The following TRAF3 variants were observed in gnomAD, a reference collection of about 807,000 sequenced individuals.
The protein encoded by TRAF3 is TNF receptor-associated factor 3.
TRAF3 carries 13 observed loss-of-function variants against 62.3 expected under a neutral mutation model. The ratio of observed to expected loss-of-function variants is 0.21; its 90% CI spans 0.14 to 0.33. TRAF3 has a LOEUF of 0.33. TRAF3 is among the 10% of genes least tolerant of loss of function. The probability of loss-of-function intolerance (pLI) is 1.00; values close to 1 mark genes in which losing one functional copy is unlikely to be tolerated. For synonymous variants in TRAF3, 269 were observed against 283.4 expected, an observed-to-expected ratio of 0.95 and a Z score of 0.51; for missense variants, 440 against 741.8, an observed-to-expected ratio of 0.59 and a Z score of 4.73.
At chr14:102,786,222 A>G (rs923065133) in intron 1 of TRAF3, among the ~76,000 whole-genome samples, 1 of 152,230 alleles carries the variant, frequency 6.6e-6, no homozygotes, top group Non-Finnish European at 1.5e-5. Flanking sequence ...TAGAGTTCAC[A>G]GTCACGTGGA....
At chr14:102,900,205 A>AAC (rs1443635739) in intron 10 of TRAF3, among the ~76,000 whole-genome samples, 1 of 135,460 alleles carries the variant, frequency 7.4e-6, no homozygotes, top group South Asian at 2.2e-4. Context: ...AAAAAAAAAG[A>AAC]CAGCCTAGGC....
intron 10 of TRAF3, among the ~76,000 whole-genome samples, chr14:102,901,387 G>A (rs1890291930): frequency 6.6e-6 from 1 of 152,312 alleles, no homozygotes; most frequent in Admixed American, 6.5e-5. Context: ...TCAGACCTCT[G>A]TTGATCAGGT....
intron 1 of TRAF3, among the ~76,000 whole-genome samples, chr14:102,796,675 G>A (rs543166622): frequency 6.6e-6 from 1 of 152,170 alleles, no homozygotes; most frequent in Non-Finnish European, 1.5e-5. Flanking sequence ...GCCCCTGGTC[G>A]ATGCCCCGGA....
chr14:102,886,389 C>A, intron 7 of TRAF3, 120 bp downstream of exon 7: 2 of 858,556 alleles, frequency 2.3e-6, no homozygotes, highest in Non-Finnish European at 3.7e-6. Context: ...ATGTGTATGG[C>A]AGACAAACAA....
chr14:102,794,286 C>T (rs1428041316), intron 1 of TRAF3, among the ~76,000 whole-genome samples: 2 of 152,202 alleles, frequency 1.3e-5, no homozygotes, highest in Non-Finnish European at 2.9e-5. Context: ...GTGATCCTCC[C>T]AGCCCAGCCT....
intron 1 of TRAF3, among the ~76,000 whole-genome samples, chr14:102,793,885 A>G (rs1278722558): frequency 6.6e-6 from 1 of 152,228 alleles, no homozygotes; most frequent in Non-Finnish European, 1.5e-5. Flanking sequence ...CTGTGGGCTG[A>G]TCAAGCAGGG....
intron 1 of TRAF3, among the ~76,000 whole-genome samples, chr14:102,816,478 G>A (rs1242196144): frequency 6.6e-6 from 1 of 152,066 alleles, no homozygotes; most frequent in Non-Finnish European, 1.5e-5. Flanking sequence ...AAAATATCCT[G>A]TTAATAATTT....
At chr14:102,814,338 C>CA (rs1467018399) in intron 1 of TRAF3, among the ~76,000 whole-genome samples, 1 of 152,134 alleles carries the variant, frequency 6.6e-6, no homozygotes, top group Non-Finnish European at 1.5e-5. Flanking sequence ...TTGCTTACTA[C>CA]AGCTTTGTAG....
chr14:102,881,068 C>A (rs1471275633), intron 6 of TRAF3, among the ~76,000 whole-genome samples: 1 of 151,820 alleles, frequency 6.6e-6, no homozygotes, highest in Non-Finnish European at 1.5e-5. Context: ...GCCTGGTCAA[C>A]AAGAGCGAAA....
intron 10 of TRAF3, among the ~76,000 whole-genome samples, chr14:102,901,739 C>T (rs1479788162): frequency 3.3e-5 from 5 of 152,194 alleles, no homozygotes; most frequent in Non-Finnish European, 7.3e-5. Flanking sequence ...ACTGCTTTTA[C>T]GCCCAAAAAG....
In TRAF3 at chr14:102,903,437, AG is replaced by A. The variant is rs756703096; in HGVS notation, c.1135+12del. The A allele has an allele frequency of 1.9e-6, 3 of 1,613,328 alleles. No homozygotes were observed. Among genetic ancestry groups the A allele is most frequent in the East Asian group, 4.5e-5 (2 of 44,860 alleles). On this transcript the variant is annotated intron_variant, in intron 11 of 11. Transcript: ENST00000392745. The surrounding 1 kb of genome is among the most constrained non-coding windows in gnomAD (Gnocchi z 6.4). ...AAGTGGCTCGGAACACAGGTGAGGC[AG>A]GGGCCGGGGCCGGGCCAGCAGTGTG...
At chr14:102,790,156 A>G (rs1387020045) in intron 1 of TRAF3, among the ~76,000 whole-genome samples, 2 of 151,768 alleles carry the variant, frequency 1.3e-5, no homozygotes, top group East Asian at 3.9e-4. Context: ...TTTAGTTTTT[A>G]CCTTTAGGTT....
chr14:102,827,994 G>T (rs562357047), intron 1 of TRAF3, among the ~76,000 whole-genome samples: 5 of 152,202 alleles, frequency 3.3e-5, no homozygotes, highest in African/African-American at 4.8e-5. Context: ...GCAGATTCCC[G>T]CAGGGCGTAC....
chr14:102,813,485 C>CT (rs1207924472), intron 1 of TRAF3, among the ~76,000 whole-genome samples: 1 of 149,998 alleles, frequency 6.7e-6, no homozygotes, highest in Non-Finnish European at 1.5e-5. Context: ...GAGTCTCACT[C>CT]TGTCACCCAG....
At chr14:102,856,517 C>A (rs1887380927) in intron 2 of TRAF3, among the ~76,000 whole-genome samples, 2 of 152,134 alleles carry the variant, frequency 1.3e-5, no homozygotes, top group South Asian at 4.1e-4. Flanking sequence ...ACTTTCATCG[C>A]CATCTTGGTT....
At chr14:102,794,627 G>A (rs781611648) in intron 1 of TRAF3, among the ~76,000 whole-genome samples, 1 of 152,176 alleles carries the variant, frequency 6.6e-6, no homozygotes, top group Non-Finnish European at 1.5e-5. Context: ...CGAAGAATTT[G>A]TGACTGTCCT....
intron 1 of TRAF3, among the ~76,000 whole-genome samples, chr14:102,790,380 T>C (rs1245919873): frequency 6.6e-6 from 1 of 152,266 alleles, no homozygotes; most frequent in Non-Finnish European, 1.5e-5. Context: ...TCTGTAAGTC[T>C]GTTACATCAG....
intron 2 of TRAF3, chr14:102,866,025 A>G (rs1257029669): frequency 6.6e-6 from 1 of 152,164 alleles, no homozygotes; most frequent in Admixed American, 6.6e-5. Context: ...CTTGGAACCA[A>G]CCCAAATGCC....
chr14:102,873,231 C>T (rs1302001552), intron 4 of TRAF3, among the ~76,000 whole-genome samples: 2 of 152,172 alleles, frequency 1.3e-5, no homozygotes, highest in Admixed American at 6.5e-5. Flanking sequence ...CACAGGCATC[C>T]AGTATAGCCG....
Sources: allele counts gnomAD v4.1 joint callset (sites outside exome capture counted in the v4.1 genomes callset), GRCh38; gene constraint gnomAD v4.1.1; non-coding constraint Gnocchi (gnomAD v3.1); transcripts MANE v1.5; gene names NCBI Gene and HGNC (gene_info 2026-07-23, HGNC 2026-07-21).